The following SLC35F4 variants were observed in gnomAD, a reference collection of about 807,000 sequenced individuals.
SLC35F4 encodes the protein chromosome 14 open reading frame 36.
Under a neutral mutation model 44.2 loss-of-function variants are expected in SLC35F4, and 24 were observed. The observed-to-expected ratio is 0.54, with a 90% CI of 0.39 to 0.76. The LOEUF (loss-of-function observed/expected upper bound fraction) is 0.76. Ranked by LOEUF, SLC35F4 falls within the 30% of genes least tolerant of loss-of-function variation. The pLI is 0.00. For missense variants in SLC35F4, 562 were observed against 586.1 expected, an observed-to-expected ratio of 0.96 and a Z score of 0.42; for synonymous variants, 238 against 223.6, an observed-to-expected ratio of 1.06 and a Z score of -0.57.
intron 1 of SLC35F4, among the ~76,000 whole-genome samples, chr14:57,948,613 A>T (rs1890077616): frequency 6.6e-6 from 1 of 151,818 alleles, no homozygotes; most frequent in Non-Finnish European, 1.5e-5. Flanking sequence ...TAGTTCCTTG[A>T]GGTGTGACCT....
intron 1 of SLC35F4, among the ~76,000 whole-genome samples, chr14:57,836,740 G>A (rs878884270): frequency 2.6e-4 from 40 of 151,858 alleles, no homozygotes; most frequent in Admixed American, 2.6e-3. Flanking sequence ...AAGCACCACC[G>A]CTACCTCCAC....
rs569037107 is a variant in SLC35F4, at chr14:57,741,291, G to A, written c.103+124432C>T. ...GTGATCGGTAATAACAAACTTCTCC[G>A]AGCTAAAGGAGGATGTTTGAACCCA... On this transcript the variant is annotated intron_variant, in intron 1 of 7. Coordinates refer to ENST00000556826, the MANE Select transcript of SLC35F4 (RefSeq NM_001306087.2). Among the ~76,000 whole-genome samples, 70 of 152,266 alleles carry A rather than the reference G, an allele frequency of 4.6e-4. 2 individuals carry two copies. Among genetic ancestry groups the A allele is most frequent in the Admixed American group, 4.6e-4 (7 of 15,292 alleles).
At chr14:57,853,480 G>C (rs999537835) in intron 1 of SLC35F4, among the ~76,000 whole-genome samples, 3 of 152,116 alleles carry the variant, frequency 2.0e-5, no homozygotes, top group African/African-American at 7.2e-5. Context: ...GGTTACAGGA[G>C]AGGGCCTCTG....
At chr14:57,683,443 T>C (rs1279618236) in intron 1 of SLC35F4, among the ~76,000 whole-genome samples, 1 of 150,404 alleles carries the variant, frequency 6.6e-6, no homozygotes, top group Non-Finnish European at 1.5e-5. Flanking sequence ...CCTGGAACCA[T>C]TTTAGGATCG....
rs374244381 is a variant in SLC35F4, at chr14:57,938,076, A to T, written n.282+43837T>A. On this transcript the variant is annotated intron_variant and non_coding_transcript_variant, in intron 1 of 1. Coordinates refer to the SLC35F4 transcript ENST00000556568. ...ACTCTTTTTGTTATTGCACAGCAAG[A>T]ATATAGAAGATTGCCCAATATTCAG... Among the ~76,000 whole-genome samples, 97 of 152,288 alleles carry T rather than the reference A, an allele frequency of 6.4e-4. 1 individual carries two copies. In the South Asian group the frequency reaches 0.019, roughly 30 times the overall value.
At chr14:57,671,674 G>T (rs528172813) in intron 1 of SLC35F4, among the ~76,000 whole-genome samples, 1 of 151,812 alleles carries the variant, frequency 6.6e-6, no homozygotes, top group Non-Finnish European at 1.5e-5. Context: ...GTGGCTATGG[G>T]GTGAAACTCC....
intron 1 of SLC35F4, among the ~76,000 whole-genome samples, chr14:57,794,000 T>C (rs372236554): frequency 1.3e-5 from 2 of 152,218 alleles, no homozygotes; most frequent in Non-Finnish European, 1.5e-5. Flanking sequence ...GGGAAAATTG[T>C]AGAAGAATGC....
intron 1 of SLC35F4, among the ~76,000 whole-genome samples, chr14:57,883,059 A>G (rs576058952): frequency 6.6e-6 from 1 of 151,238 alleles, no homozygotes; most frequent in African/African-American, 2.4e-5. Context: ...GGAGGGGAGG[A>G]GGAGGAGGAC....
At chr14:57,808,199 C>T (rs1595113460) in intron 1 of SLC35F4, among the ~76,000 whole-genome samples, 1 of 151,820 alleles carries the variant, frequency 6.6e-6, no homozygotes, top group Non-Finnish European at 1.5e-5. Context: ...ATTCTCACAA[C>T]AATCCTATGA....
At chr14:57,818,294 G>A (rs761510383) in intron 1 of SLC35F4, among the ~76,000 whole-genome samples, 1 of 152,192 alleles carries the variant, frequency 6.6e-6, no homozygotes. Flanking sequence ...CTTGCTGAAT[G>A]TGTGCTGCTT....
intron 1 of SLC35F4, among the ~76,000 whole-genome samples, chr14:57,771,807 T>C (rs2077371014): frequency 6.6e-6 from 1 of 152,210 alleles, no homozygotes; most frequent in Admixed American, 6.5e-5. Context: ...TTGTCCAGGC[T>C]GGTTTTGAAC....
chr14:57,799,765 C>A (rs2078145973), intron 1 of SLC35F4, among the ~76,000 whole-genome samples: 1 of 152,204 alleles, frequency 6.6e-6, no homozygotes. Flanking sequence ...CTTCTTTAAG[C>A]AGGATCCCGA....
At chr14:57,716,895 T>C (rs1167929232) in intron 1 of SLC35F4, among the ~76,000 whole-genome samples, 1 of 126,576 alleles carries the variant, frequency 7.9e-6, no homozygotes, top group Non-Finnish European at 1.8e-5. Context: ...TTCCAGCCTC[T>C]AGTAACCATT....
At chr14:57,901,358 C>A (rs2783231) in intron 1 of SLC35F4, among the ~76,000 whole-genome samples, 72,109 of 152,000 alleles carry the variant, frequency 0.47, 17,685 homozygotes, top group East Asian at 0.7. Flanking sequence ...GAATGAGATC[C>A]TGTCTTTTGC....
intron 1 of SLC35F4, among the ~76,000 whole-genome samples, chr14:57,848,562 A>G (rs74565776): frequency 0.022 from 3,348 of 152,336 alleles, 138 homozygotes; most frequent in African/African-American, 0.076. Context: ...CGGTAGAGTC[A>G]TCATAGACAA....
chr14:57,706,868 G>T (rs180852324), intron 1 of SLC35F4, among the ~76,000 whole-genome samples: 124 of 152,298 alleles, frequency 8.1e-4, no homozygotes, highest in Non-Finnish European at 3.4e-4. Context: ...TTCTCTTAAG[G>T]CCAATAGGAA....
chr14:57,868,796 T>C (rs1888236319), upstream of SLC35F4, among the ~76,000 whole-genome samples: 1 of 152,126 alleles, frequency 6.6e-6, no homozygotes, highest in Non-Finnish European at 1.5e-5. Flanking sequence ...CATTTTTATG[T>C]TTGCATGTTT....
intron 1 of SLC35F4, among the ~76,000 whole-genome samples, chr14:57,777,653 A>G (rs1036082674): frequency 4.6e-5 from 7 of 152,102 alleles, no homozygotes; most frequent in African/African-American, 1.7e-4. Context: ...TGGGGGAGGG[A>G]TAGCATTAGG....
chr14:57,679,446 AAT>A (rs1594779548), intron 1 of SLC35F4, among the ~76,000 whole-genome samples: 2 of 152,108 alleles, frequency 1.3e-5, no homozygotes, highest in East Asian at 3.8e-4. Context: ...TTGACACCCT[AAT>A]ACCACAATTA....
Sources: allele counts gnomAD v4.1 joint callset (sites outside exome capture counted in the v4.1 genomes callset), GRCh38; gene constraint gnomAD v4.1.1; transcripts MANE v1.5; gene names NCBI Gene and HGNC (gene_info 2026-07-23, HGNC 2026-07-21).